DMXL2: variants seen among roughly 807,000 people sequenced by gnomAD.
The protein encoded by DMXL2 is Dmx like 2.
A neutral mutation model predicts 331.1 loss-of-function variants in DMXL2; 103 were observed. That is an observed-to-expected ratio of 0.31 (90% confidence interval 0.27 to 0.37). The LOEUF is 0.37. Ranked by LOEUF, DMXL2 falls within the 10% of genes least tolerant of loss-of-function variation. The pLI is 1.00. For synonymous variants in DMXL2, 1,281 were observed against 1,252.1 expected (o/e 1.02, Z -0.49); for missense variants, 3,171 against 3,642.9 (o/e 0.87, Z 3.33).
At chr15:51,595,868 G>T (rs994423215) in intron 1 of DMXL2, among the ~76,000 whole-genome samples, 101 of 152,136 alleles carry the variant, frequency 6.6e-4, no homozygotes, top group Admixed American at 4.3e-3. Context: ...GCTAGCCATA[G>T]GTAGAAAGCT....
At chr15:51,596,156 T>C (rs530416816) in intron 1 of DMXL2, among the ~76,000 whole-genome samples, 1,746 of 152,190 alleles carry the variant, frequency 0.011, 30 homozygotes, top group African/African-American at 0.04. Flanking sequence ...GGAGAAAATT[T>C]TCGCAAACTA....
At chr15:51,450,635 A>G (rs2039049109) in intron 42 of DMXL2, 3 of 382,106 alleles carry the variant, frequency 7.9e-6, no homozygotes, top group Admixed American at 7.6e-5. Flanking sequence ...AAGTATACAG[A>G]AGAGCAGAGA....
At chr15:51,479,485 T>C (rs529456459) in intron 25 of DMXL2, among the ~76,000 whole-genome samples, 7 of 152,300 alleles carry the variant, frequency 4.6e-5, no homozygotes, top group Non-Finnish European at 1.0e-4. Flanking sequence ...AAAACTCTGA[T>C]TGCCTCTAAC....
At chr15:51,551,345 T>A (rs1441827024) in intron 6 of DMXL2, among the ~76,000 whole-genome samples, 2 of 152,146 alleles carry the variant, frequency 1.3e-5, no homozygotes, top group African/African-American at 2.4e-5. Context: ...GAGACGTGAC[T>A]AACACAATGA....
chr15:51,460,132 A>C (rs1413895667), intron 33 of DMXL2: 2 of 968,380 alleles, frequency 2.1e-6, no homozygotes, highest in Non-Finnish European at 1.2e-6. Flanking sequence ...CTAAGTAAAT[A>C]AATGTTTAAT....
intron 29 of DMXL2, among the ~76,000 whole-genome samples, chr15:51,469,415 C>T (rs946318704): frequency 6.6e-6 from 1 of 151,962 alleles, no homozygotes; most frequent in Non-Finnish European, 1.5e-5. Flanking sequence ...TTTAAAATGA[C>T]AGCTATATAA....
intron 20 of DMXL2, among the ~76,000 whole-genome samples, chr15:51,490,793 T>G (rs968738581): frequency 2.6e-5 from 4 of 152,216 alleles, no homozygotes; most frequent in African/African-American, 9.6e-5. Flanking sequence ...TTGATAGCCA[T>G]TTCACTTGCT....
chr15:51,521,360 T>C (rs1197409181), intron 13 of DMXL2, among the ~76,000 whole-genome samples: 1 of 151,466 alleles, frequency 6.6e-6, no homozygotes, highest in African/African-American at 2.4e-5. Context: ...AGTTAATATA[T>C]ATAAAACATT....
At chr15:51,581,323 C>G (rs946591228) in intron 1 of DMXL2, among the ~76,000 whole-genome samples, 1 of 152,164 alleles carries the variant, frequency 6.6e-6, no homozygotes, top group Non-Finnish European at 1.5e-5. Flanking sequence ...CTCTCCTTCA[C>G]CCCTCGCTGT....
chr15:51,507,305 A>G (rs2046463390), intron 15 of DMXL2, 52 bp from the exon 16 acceptor site: 1 of 1,523,598 alleles, frequency 6.6e-7, no homozygotes, highest in Admixed American at 2.1e-5. Flanking sequence ...TATGGGGTTA[A>G]AAAAACACTT....
At chr15:51,531,900 G>C (rs1251988518) in intron 13 of DMXL2, among the ~76,000 whole-genome samples, 4 of 152,162 alleles carry the variant, frequency 2.6e-5, no homozygotes, top group African/African-American at 9.7e-5. Flanking sequence ...GTGGAGAAAA[G>C]GGAACCCTCA....
At chr15:51,450,838 G>A (rs1429070571) in intron 42 of DMXL2, among the ~76,000 whole-genome samples, 1 of 152,218 alleles carries the variant, frequency 6.6e-6, no homozygotes, top group East Asian at 1.9e-4. Context: ...AAATTAACAT[G>A]CAGAAAATCT....
intron 1 of DMXL2, among the ~76,000 whole-genome samples, chr15:51,591,454 C>T (rs188222505): frequency 2.0e-5 from 3 of 152,278 alleles, no homozygotes; most frequent in Non-Finnish European, 4.4e-5. Flanking sequence ...TGGGTGGAGC[C>T]CACCTCAGTT....
chr15:51,468,007 T>G (rs1257721887), intron 29 of DMXL2, among the ~76,000 whole-genome samples: 1 of 152,232 alleles, frequency 6.6e-6, no homozygotes, highest in Non-Finnish European at 1.5e-5. Flanking sequence ...ATTACAGGCG[T>G]GAGCCACCAT....
intron 1 of DMXL2, among the ~76,000 whole-genome samples, chr15:51,604,793 T>A (rs2053466692): frequency 6.6e-6 from 1 of 151,828 alleles, no homozygotes; most frequent in Admixed American, 6.6e-5. Flanking sequence ...AAAACAATTG[T>A]AAAAAAAGAG....
chr15:51,478,598 G>A (rs934516982), intron 25 of DMXL2, among the ~76,000 whole-genome samples: 1 of 151,928 alleles, frequency 6.6e-6, no homozygotes, highest in Admixed American at 6.6e-5. Flanking sequence ...TGCCGTTTAC[G>A]AGGCCCTGAG....
intron 29 of DMXL2, among the ~76,000 whole-genome samples, chr15:51,469,496 T>C (rs546404809): frequency 2.0e-5 from 3 of 152,348 alleles, no homozygotes; most frequent in African/African-American, 7.2e-5. Flanking sequence ...ACTGATCCAA[T>C]TATACATTTT....
chr15:51,452,582 A>C (rs1444354027), intron 41 of DMXL2, among the ~76,000 whole-genome samples: 1 of 152,172 alleles, frequency 6.6e-6, no homozygotes, highest in Non-Finnish European at 1.5e-5. Flanking sequence ...TAATTAAAAA[A>C]CCAAAAAACA....
chr15:51,534,491 G>A (rs1380874350), intron 13 of DMXL2, among the ~76,000 whole-genome samples: 1 of 152,208 alleles, frequency 6.6e-6, no homozygotes, highest in African/African-American at 2.4e-5. Flanking sequence ...AGCTATTCAA[G>A]GATAGAATGA....
Sources: allele counts gnomAD v4.1 joint callset (sites outside exome capture counted in the v4.1 genomes callset), GRCh38; gene constraint gnomAD v4.1.1; transcripts MANE v1.5; gene names NCBI Gene and HGNC (gene_info 2026-07-23, HGNC 2026-07-21).